The following MOCOS variants were observed in gnomAD, a reference collection of about 807,000 sequenced individuals.
MOCOS encodes human molybdenum cofactor sulfurase.
Under a neutral mutation model 83.6 loss-of-function variants are expected in MOCOS, and 86 were observed. The observed-to-expected ratio is 1.03, with a 90% CI of 0.86 to 1.23. The LOEUF (loss-of-function observed/expected upper bound fraction) is 1.23. MOCOS is among the 50% of genes most tolerant of loss of function. MOCOS has a pLI of 0.00. For synonymous variants in MOCOS, 445 were observed against 434.7 expected (o/e 1.02, Z -0.29); for missense variants, 1,120 against 1,126.9 (o/e 0.99, Z 0.09).
intron 9 of MOCOS, among the ~76,000 whole-genome samples, chr18:36,232,528 A>G (rs1020260299): frequency 2.0e-5 from 3 of 152,110 alleles, no homozygotes; most frequent in African/African-American, 7.2e-5. Flanking sequence ...ATTTTGAAAT[A>G]TTTAATAAAT....
intron 9 of MOCOS, among the ~76,000 whole-genome samples, chr18:36,220,494 G>A (rs1351606287): frequency 2.6e-5 from 4 of 152,102 alleles, no homozygotes; most frequent in Non-Finnish European, 5.9e-5. Flanking sequence ...GGGCGACAGA[G>A]CAAGACCTTG....
At chr18:36,212,388 A>G (rs111723460) in intron 6 of MOCOS, among the ~76,000 whole-genome samples, 1,868 of 142,830 alleles carry the variant, frequency 0.013, 18 homozygotes, top group South Asian at 0.057. Context: ...TGGGAGCTGG[A>G]CGGGGGTCGG....
intron 6 of MOCOS, among the ~76,000 whole-genome samples, chr18:36,212,315 A>G (rs1447355670): frequency 1.3e-5 from 2 of 152,160 alleles, no homozygotes; most frequent in Non-Finnish European, 2.9e-5. Context: ...AGCAAAAGTA[A>G]CTGGAATGGT....
chr18:36,265,654 A>G lies in MOCOS; in HGVS notation c.2410-1095A>G, dbSNP rs1399657183. On this transcript the variant is annotated intron_variant, in intron 13 of 14. Transcript: ENST00000261326. ...TATATTATGGGGGATTTTAAGCTCC[A>G]CCAGACAGTATGACCTGTATTAAGA... Among the ~76,000 whole-genome samples the G allele has an allele frequency of 2.6e-5, 4 of 152,298 alleles. No homozygotes were observed. The East Asian group carries it at 7.7e-4, about 29-fold the overall frequency.
rs542956389 is a variant in MOCOS at position 36,195,789 on chromosome 18, A to G, written c.232+443A>G. Among the ~76,000 whole-genome samples the G allele has an allele frequency of 2.0e-5, 3 of 152,388 alleles. No individual in the cohort carries two copies. In the East Asian group the frequency reaches 5.8e-4, roughly 29 times the overall value. ...CCTTTCTTCTTGGACACTGTGATCT[A>G]GTCCTGGAAGACAAGACCTTAAGTG... On this transcript the variant is annotated intron_variant, in intron 2 of 14. Transcript: ENST00000261326.
chr18:36,267,067 AT>A (rs894185128), intron 14 of MOCOS, among the ~76,000 whole-genome samples: 2 of 151,610 alleles, frequency 1.3e-5, no homozygotes, highest in African/African-American at 4.9e-5. Flanking sequence ...TACTTCATGT[AT>A]TTTTATGCTT....
chr18:36,239,290 G>A (rs2091571951), intron 9 of MOCOS, among the ~76,000 whole-genome samples: 1 of 151,112 alleles, frequency 6.6e-6, no homozygotes. Context: ...TCCTTTCCAT[G>A]TTTAGCGCTT....
At chr18:36,235,294 A>G (rs1598584772) in intron 9 of MOCOS, among the ~76,000 whole-genome samples, 1 of 101,650 alleles carries the variant, frequency 9.8e-6, no homozygotes, top group South Asian at 4.1e-4. Context: ...CCCCCCACCC[A>G]CAACAGTCCC....
At chr18:36,263,322 CCT>C (rs2091670446) in intron 13 of MOCOS, among the ~76,000 whole-genome samples, 1 of 152,102 alleles carries the variant, frequency 6.6e-6, no homozygotes, top group Non-Finnish European at 1.5e-5. Context: ...GTGAATTAGG[CCT>C]TTATTGCAAA....
In MOCOS at chr18:36,239,648, G is replaced by A. The variant is rs534050931; in HGVS notation, c.1961-9274G>A. Among the ~76,000 whole-genome samples the A allele has an allele frequency of 1.2e-4, 18 of 145,804 alleles. No individual in the cohort carries two copies. The East Asian group carries it at 1.4e-3, about 11-fold the overall frequency. On this transcript the variant is annotated intron_variant, in intron 9 of 14. Transcript: ENST00000261326. ...TCTTCTCGAGGAATATCTTTGTGGCGTTCTCCGTATTTCCTGAATCTGAAT... is the reference window on the plus strand; with the variant it reads ...TCTTCTCGAGGAATATCTTTGTGGCATTCTCCGTATTTCCTGAATCTGAAT...
intron 8 of MOCOS, among the ~76,000 whole-genome samples, chr18:36,216,480 A>G (rs568993034): frequency 2.6e-5 from 4 of 152,332 alleles, no homozygotes; most frequent in African/African-American, 9.6e-5. Flanking sequence ...AAGTACTGAT[A>G]GTGATGAGTG....
intron 2 of MOCOS, among the ~76,000 whole-genome samples, chr18:36,197,438 T>C (rs1013743098): frequency 3.8e-5 from 4 of 104,102 alleles, no homozygotes; most frequent in South Asian, 4.2e-4. Flanking sequence ...TTGGTTTTAC[T>C]AGTGAGGAGA....
At chr18:36,226,423 T>C (rs898382179) in intron 9 of MOCOS, among the ~76,000 whole-genome samples, 2 of 152,124 alleles carry the variant, frequency 1.3e-5, no homozygotes, top group African/African-American at 4.8e-5. Context: ...AAACCTAATG[T>C]CAGTTTCTTT....
intron 9 of MOCOS, among the ~76,000 whole-genome samples, chr18:36,240,843 T>G (rs1004059602): frequency 5.9e-5 from 9 of 152,080 alleles, no homozygotes; most frequent in Admixed American, 5.2e-4. Context: ...TGGTGCGCCG[T>G]TTTTTAAGCC....
Position 36,224,733 on chromosome 18 carries a change from G to T in MOCOS, c.1960+4516G>T, listed in dbSNP as rs75191081. ...TCGTCAGGGATATTGGCCTGCAGTT[G>T]TCTTTGCCTGCCTTTAGTATCAAGA... On this transcript the variant is annotated intron_variant, in intron 9 of 14. Transcript: ENST00000261326. Among the ~76,000 whole-genome samples the T allele has an allele frequency of 1.7e-3, 260 of 152,276 alleles. 2 individuals are homozygous for T. The East Asian group carries it at 0.04, about 23-fold the overall frequency.
chr18:36,220,431 C>A (rs2091491965), intron 9 of MOCOS, among the ~76,000 whole-genome samples: 1 of 151,818 alleles, frequency 6.6e-6, no homozygotes, highest in Non-Finnish European at 1.5e-5. Context: ...ATCACTTGAA[C>A]CCGGGAGGTG....
At chr18:36,260,928 T>G (rs1002415332) in intron 13 of MOCOS, among the ~76,000 whole-genome samples, 13 of 151,936 alleles carry the variant, frequency 8.6e-5, no homozygotes, top group African/African-American at 3.1e-4. Flanking sequence ...TGTCCAAGGG[T>G]CTCAGCTCAG....
intron 9 of MOCOS, among the ~76,000 whole-genome samples, chr18:36,242,251 G>A (rs771261589): frequency 2.6e-5 from 4 of 152,098 alleles, no homozygotes; most frequent in Non-Finnish European, 5.9e-5. Context: ...GATCTCTAGG[G>A]CAGGGGCAAA....
chr18:36,203,189 G>C lies in MOCOS; in HGVS notation c.1018G>C (p.Gly340Arg), dbSNP rs779021669. 6.2e-7 allele frequency: 1 copy of C among 1,613,510 alleles called. No individual in the cohort carries two copies. Among genetic ancestry groups the C allele is most frequent in the East Asian group, 2.2e-5 (1 of 44,878 alleles). ...ATTTGACACCCTAGAGCGCCTCACAGGTCAGTGGACATTTCTATCCCTGTG... is the reference window on the plus strand; with the variant it reads ...ATTTGACACCCTAGAGCGCCTCACACGTCAGTGGACATTTCTATCCCTGTG... ...HGFDTLERLT[G>R]GMENIKQHTF... Residue 340 changes from glycine to arginine, a missense_variant and splice_region_variant, in exon 5 of 15, where the codon GGT becomes CGT. Physicochemically the swap from Gly to Arg is moderately radical, Grantham distance 125. Coordinates refer to ENST00000261326, the MANE Select transcript of MOCOS (RefSeq NM_017947.4).
Sources: allele counts gnomAD v4.1 joint callset (sites outside exome capture counted in the v4.1 genomes callset), GRCh38; gene constraint gnomAD v4.1.1; transcripts MANE v1.5; gene names NCBI Gene and HGNC (gene_info 2026-07-23, HGNC 2026-07-21).